Variants in SWSAP1 observed in about 807,000 individuals in gnomAD.
The protein encoded by SWSAP1 is SWIM-type zinc finger 7 associated protein 1.
SWSAP1 carries 4 observed loss-of-function variants against 5.6 expected under a neutral mutation model. That is an observed-to-expected ratio of 0.72 (90% CI 0.35 to 1.64). The LOEUF (loss-of-function observed/expected upper bound fraction) is 1.64. Among genes scored for constraint, SWSAP1 ranks in the 40% most tolerant of loss-of-function variants. The pLI is 0.05. For synonymous variants in SWSAP1, 139 were observed against 143.3 expected (o/e 0.97, Z 0.22); for missense variants, 354 against 319.8 (o/e 1.11, Z -0.82).
Position 11,375,937 on chromosome 19 carries a change from A to G in SWSAP1, c.674A>G (p.Glu225Gly). The change falls in exon 2 of 2, where the codon GAA becomes GGA. Residue 225 changes from glutamate to glycine, a missense_variant. Transcript: ENST00000674460. ...TGGGTGACTTTCCGATCAGATGGAG[A>G]AATGATGATCGCTCCGTGGCCCACC... Reference protein sequence around the residue: ...EWWVTFRSDGEMMIAPWPTQA... With the variant: ...EWWVTFRSDGGMMIAPWPTQA... 1 of 1,613,466 alleles carries G rather than the reference A, an allele frequency of 6.2e-7. No individual in the cohort carries two copies.
At position 11,374,804 on chromosome 19, in the gene SWSAP1, C is replaced by T; in HGVS notation, c.124C>T (p.Leu42=). Residue 42 remains leucine (L), a synonymous_variant, in exon 1 of 2, where the codon CTG becomes TTG. Transcript: ENST00000674460. The part of the protein sequence containing the change: ...LGTPGSGKTA[L]LFAAALEAAG... The stretch of plus-strand genomic sequence containing the variant: ...TACACCAGGATCTGGAAAAACAGCG[C>T]TGCTATTTGCTGCGGCCCTAGAGGC... 1 of 1,613,874 alleles carries T rather than the reference C, an allele frequency of 6.2e-7. No homozygotes were observed. Among genetic ancestry groups the T allele is most frequent in the Admixed American group, 1.7e-5 (1 of 59,982 alleles).
At chr19:11,374,976 A>ATC in intron 1 of SWSAP1, 47 bp downstream of exon 1, 3 of 1,600,902 alleles carry the variant, frequency 1.9e-6, no homozygotes, top group Non-Finnish European at 2.5e-6. Context: ...ATGGTGGAGT[A>ATC]GATCCGGGAT....
At chr19:11,375,091 G>A (rs543477957) in intron 1 of SWSAP1, among the ~76,000 whole-genome samples, 162 bp downstream of exon 1, 1 of 152,280 alleles carries the variant, frequency 6.6e-6, no homozygotes, top group African/African-American at 2.4e-5. Flanking sequence ...GTGGCACCAC[G>A]CGGAGCTTAG....
At chr19:11,375,422 C>A (rs1568326860) in intron 1 of SWSAP1, 91 bp from the exon 2 acceptor site, 21 of 1,518,412 alleles carry the variant, frequency 1.4e-5, no homozygotes, top group Non-Finnish European at 1.8e-5. Context: ...CATCCTGGAA[C>A]CAAGGAAAGT....
At position 11,375,969 on chromosome 19, in the gene SWSAP1, G is replaced by C; in HGVS notation, c.706G>C (p.Gly236Arg). 6.2e-7 allele frequency: 1 copy of C among 1,612,172 alleles called. No individual in the cohort carries two copies. Among genetic ancestry groups the C allele is most frequent in the Non-Finnish European group, 8.5e-7 (1 of 1,179,466 alleles). ...MMIAPWPTQA[G>R]DPSSGKGSSS... is the part of the protein sequence containing the mutation. ...GATCGCTCCGTGGCCCACCCAGGCT[G>C]GTGACCCCAGCTCAGGCAAGGGTTC... The change falls in exon 2 of 2, where the codon GGT (glycine) becomes CGT (arginine). Residue 236 changes from glycine to arginine, a missense_variant. Physicochemically the swap from Gly to Arg is moderately radical, Grantham distance 125. Coordinates refer to ENST00000674460, the MANE Select transcript of SWSAP1 (RefSeq NM_175871.4).
rs747485320 is a variant in SWSAP1 at position 11,375,851 on chromosome 19, A to AG, written c.590dup (p.Glu198ArgfsTer40). The AG allele has an allele frequency of 6.2e-7, 1 of 1,614,144 alleles. No individual in the cohort carries two copies. Among genetic ancestry groups the AG allele is most frequent in the Non-Finnish European group, 8.5e-7 (1 of 1,180,026 alleles). Reference sequence around the variant, plus strand: ...GGCTGCAGCCAGATGCACCAGGTCCAGGAGAGCACGGCCTCCGAGCCTGCC... The same window carrying AG: ...GGCTGCAGCCAGATGCACCAGGTCCAGGGAGAGCACGGCCTCCGAGCCTGCC... On this transcript the variant is annotated frameshift_variant, in exon 2 of 2. Coordinates refer to ENST00000674460, the MANE Select transcript of SWSAP1 (RefSeq NM_175871.4). LOFTEE classifies it low-confidence loss of function (END_TRUNC).
In SWSAP1 at chr19:11,375,075, TGAG is replaced by T. The variant is rs1968261110; in HGVS notation, c.249+150_249+152del. ...ATGGGGCGGAGTCAGGCAGGCGGAGTGAGGAGTGGCACCACGCGGAGCTTAGTT... is the reference window on the plus strand; with the variant it reads ...ATGGGGCGGAGTCAGGCAGGCGGAGTGAGTGGCACCACGCGGAGCTTAGTT... On this transcript the variant is annotated intron_variant, in intron 1 of 1. Coordinates refer to ENST00000674460, the MANE Select transcript of SWSAP1 (RefSeq NM_175871.4). The T allele has an allele frequency of 4.9e-6, 5 of 1,011,140 alleles. No homozygotes were observed. The Admixed American group carries it at 7.7e-5, about 16-fold the overall frequency. 62.6% of individuals were successfully genotyped at this position (1,011,140 alleles called of 1,614,324 possible). A position where few individuals can be genotyped will look rare whatever the true frequency, so the allele number is the denominator to read the frequency against.
Position 11,374,781 on chromosome 19 carries a change from C to A in SWSAP1, c.101C>A (p.Thr34Lys). 6.2e-7 allele frequency: 1 copy of A among 1,613,640 alleles called. No homozygotes were observed. The highest frequency in any genetic ancestry group is 1.1e-5 in the South Asian group (1 of 91,056). Residue 34 changes from threonine (T) to lysine (K), a missense_variant, in exon 1 of 2, where the codon ACA (threonine) becomes AAA (lysine). Transcript: ENST00000674460. ...GGACCGCCTTTGCTGCTGCTCGGTA[C>A]ACCAGGATCTGGAAAAACAGCGCTG... ...AAGPPLLLLG[T>K]PGSGKTALLF...
chr19:11,375,484 C>T (rs1968265923), intron 1 of SWSAP1, 29 bp from the exon 2 acceptor site: 1 of 1,578,110 alleles, frequency 6.3e-7, no homozygotes, highest in Non-Finnish European at 8.6e-7. Flanking sequence ...GTGCTGAATC[C>T]GGCCCTTTCC....
rs1218952835 is a variant in SWSAP1 at position 11,375,772 on chromosome 19, G to C, written c.509G>C (p.Ser170Thr). The C allele has an allele frequency of 1.2e-6, 2 of 1,614,082 alleles. No homozygotes were observed. The highest frequency in any genetic ancestry group is 3.3e-5 in the Admixed American group (2 of 60,008). Residue 170 changes from serine to threonine, a missense_variant, in exon 2 of 2, where the codon AGT (serine) becomes ACT (threonine). Physicochemically the swap from Ser to Thr is moderately conservative, Grantham distance 58. Transcript: ENST00000674460. The part of the protein sequence containing the change: ...VALQTQEEAG[S>T]GDVLHLALLQ... ...CTCCAGACCCAGGAGGAAGCAGGTA[G>C]TGGGGACGTCCTGCACCTGGCACTG... is the stretch of plus-strand genomic sequence containing the variant.
rs1470020736 is a variant in SWSAP1 at position 11,375,666 on chromosome 19, C to T, written c.403C>T (p.Leu135Phe). 2.5e-6 allele frequency: 4 copies of T among 1,614,230 alleles called. No homozygotes were observed. The highest frequency in any genetic ancestry group is 3.4e-6 in the Non-Finnish European group (4 of 1,180,048). Residue 135 changes from leucine (L) to phenylalanine (F), a missense_variant, in exon 2 of 2, where the codon CTC (leucine) becomes TTC (phenylalanine). By Grantham distance (22) the Leu-to-Phe change is conservative. Transcript: ENST00000674460. Reference sequence around the variant, plus strand: ...CCCAGAGCCCCAGGAAGCCGCCTACCTCATTGCCTTACTTCTAGACACAGC... The same window carrying T: ...CCCAGAGCCCCAGGAAGCCGCCTACTTCATTGCCTTACTTCTAGACACAGC... ...EDPEPQEAAY[L>F]IALLLDTAAH...
intron 1 of SWSAP1, 92 bp downstream of exon 1, chr19:11,375,021 C>T: frequency 2.0e-6 from 3 of 1,535,014 alleles, no homozygotes; most frequent in Non-Finnish European, 2.6e-6. Context: ...ATGGAGAGGA[C>T]GGTGGAAGAG....
chr19:11,374,955 C>A (rs577908061), intron 1 of SWSAP1, 26 bp downstream of exon 1: 10 of 1,609,032 alleles, frequency 6.2e-6, no homozygotes, highest in Non-Finnish European at 8.5e-6. Flanking sequence ...GGAGCAGAGG[C>A]GTTCTAGCCA....
chr19:11,374,786 G>C lies in SWSAP1; in HGVS notation c.106G>C (p.Gly36Arg). 6.2e-7 allele frequency: 1 copy of C among 1,613,770 alleles called. No individual in the cohort carries two copies. The highest frequency in any genetic ancestry group is 8.5e-7 in the Non-Finnish European group (1 of 1,179,896). Residue 36 changes from glycine (G) to arginine (R), a missense_variant, in exon 1 of 2, where the codon GGA (glycine) becomes CGA (arginine). By Grantham distance (125) the Gly-to-Arg change is moderately radical. Coordinates refer to ENST00000674460, the MANE Select transcript of SWSAP1 (RefSeq NM_175871.4). ...GCCTTTGCTGCTGCTCGGTACACCA[G>C]GATCTGGAAAAACAGCGCTGCTATT... Reference protein sequence around the residue: ...GPPLLLLGTPGSGKTALLFAA... With the variant: ...GPPLLLLGTPRSGKTALLFAA...
rs185378178 is a variant in SWSAP1, at chr19:11,374,704, G to A, written c.24G>A (p.Val8=). The A allele has an allele frequency of 1.5e-3, 2,402 of 1,568,422 alleles. No homozygotes were observed. Among genetic ancestry groups the A allele is most frequent in the Non-Finnish European group, 1.9e-3 (2,181 of 1,158,130 alleles). MAETLRR[V]LTRGGAAWSG... ...GAATGGCGGAGACGCTGAGGCGGGT[G>A]CTAACCAGGGGCGGTGCGGCCTGGT... Residue 8 remains valine (V), a synonymous_variant, in exon 1 of 2, where the codon GTG becomes GTA. Coordinates refer to ENST00000674460, the MANE Select transcript of SWSAP1 (RefSeq NM_175871.4).
At position 11,375,780 on chromosome 19, in the gene SWSAP1, G is replaced by A; in HGVS notation, c.517G>A (p.Val173Ile). Residue 173 changes from valine (V) to isoleucine (I), a missense_variant, in exon 2 of 2, where the codon GTC becomes ATC. Physicochemically the swap from Val to Ile is conservative, Grantham distance 29. Transcript: ENST00000674460. ...CCAGGAGGAAGCAGGTAGTGGGGAC[G>A]TCCTGCACCTGGCACTGCTCCAGCG... Reference protein sequence around the residue: ...QTQEEAGSGDVLHLALLQRYF... With the variant: ...QTQEEAGSGDILHLALLQRYF... 6 of 1,614,160 alleles carry A rather than the reference G, an allele frequency of 3.7e-6. No individual in the cohort carries two copies. Among genetic ancestry groups the A allele is most frequent in the Non-Finnish European group, 5.1e-6 (6 of 1,180,048 alleles).
rs1487230695 is a variant in SWSAP1, at chr19:11,374,820, C to T, written c.140C>T (p.Ala47Val). The T allele has an allele frequency of 1.2e-6, 2 of 1,613,908 alleles. No homozygotes were observed. Among genetic ancestry groups the T allele is most frequent in the African/African-American group, 1.3e-5 (1 of 74,938 alleles). Residue 47 changes from alanine (A) to valine (V), a missense_variant, in exon 1 of 2, where the codon GCC (alanine) becomes GTC (valine). By Grantham distance (64) the Ala-to-Val change is moderately conservative. Transcript: ENST00000674460. ...SGKTALLFAA[A>V]LEAAGEGQGP... is the part of the protein sequence containing the mutation. ...AAAACAGCGCTGCTATTTGCTGCGG[C>T]CCTAGAGGCGGCGGGGGAGGGCCAA...
Position 11,375,727 on chromosome 19 carries a change from A to AT in SWSAP1, c.466dup (p.Cys156LeufsTer15). ...AGCCACCGGCTTGGGCCTGGCCGGG[A>AT]TTGTGGGCTCATGGTGGCCCTCCAG... On this transcript the variant is annotated frameshift_variant, in exon 2 of 2. Transcript: ENST00000674460. LOFTEE classifies it low-confidence loss of function (END_TRUNC). 1 of 1,614,116 alleles carries AT rather than the reference A, an allele frequency of 6.2e-7. No homozygotes were observed. The highest frequency in any genetic ancestry group is 8.5e-7 in the Non-Finnish European group (1 of 1,180,014).
In SWSAP1 at chr19:11,375,843, C is replaced by T. The variant is rs751439795; in HGVS notation, c.580C>T (p.Pro194Ser). ...CCAGTGCTGGCTGCAGCCAGATGCA[C>T]CAGGTCCAGGAGAGCACGGCCTCCG... ...PAQCWLQPDA[P>S]GPGEHGLRAC... Residue 194 changes from proline to serine, a missense_variant, in exon 2 of 2, where the codon CCA becomes TCA. Transcript: ENST00000674460. 17 of 1,614,048 alleles carry T rather than the reference C, an allele frequency of 1.1e-5. No homozygotes were observed. Among genetic ancestry groups the T allele is most frequent in the South Asian group, 3.3e-5 (3 of 91,088 alleles).
Sources: allele counts gnomAD v4.1 joint callset (sites outside exome capture counted in the v4.1 genomes callset), GRCh38; gene constraint gnomAD v4.1.1; transcripts MANE v1.5; gene names NCBI Gene and HGNC (gene_info 2026-07-23, HGNC 2026-07-21).